XRCC4: variants seen among roughly 807,000 people sequenced by gnomAD.
XRCC4 encodes the protein DNA repair protein XRCC4.
Under a neutral mutation model 39.1 loss-of-function variants are expected in XRCC4, and 28 were observed. The observed-to-expected ratio is 0.72, with a 90% CI of 0.53 to 0.98. The LOEUF (loss-of-function observed/expected upper bound fraction) is 0.98, where lower values mean the gene tolerates loss of function less well. Among genes scored for constraint, XRCC4 ranks in the 50% least tolerant of loss-of-function variants. XRCC4 has a pLI of 0.00. For synonymous variants in XRCC4, 123 were observed against 126.4 expected (o/e 0.97, Z 0.18); for missense variants, 350 against 376.4 (o/e 0.93, Z 0.58).
chr5:83,146,409 C>T (rs974404112), intron 3 of XRCC4, among the ~76,000 whole-genome samples: 2 of 152,156 alleles, frequency 1.3e-5, no homozygotes, highest in African/African-American at 4.8e-5. Flanking sequence ...TCATACTTAC[C>T]TTTCCCAGTG....
At chr5:83,175,562 TTGGGAGGCCAAGG>T (rs1749914470) in intron 3 of XRCC4, among the ~76,000 whole-genome samples, 1 of 151,396 alleles carries the variant, frequency 6.6e-6, no homozygotes, top group Admixed American at 6.6e-5. Flanking sequence ...TCCCAGCACT[TTGGGAGGCCAAGG>T]TGGGAGGATT....
chr5:83,131,278 T>G (rs1747565868), intron 3 of XRCC4, among the ~76,000 whole-genome samples: 2 of 152,196 alleles, frequency 1.3e-5, no homozygotes, highest in African/African-American at 4.8e-5. Flanking sequence ...GTTGGCAGTT[T>G]TGAGTGAGTT....
At chr5:83,106,272 G>A (rs1158756996) in intron 2 of XRCC4, among the ~76,000 whole-genome samples, 1 of 152,042 alleles carries the variant, frequency 6.6e-6, no homozygotes, top group Non-Finnish European at 1.5e-5. Context: ...AAAGACAAGG[G>A]CAATAGATTA....
intron 7 of XRCC4, among the ~76,000 whole-genome samples, chr5:83,302,082 T>C (rs745567605): frequency 1.3e-5 from 2 of 152,146 alleles, no homozygotes; most frequent in Non-Finnish European, 2.9e-5. Context: ...GCGTCCCAGA[T>C]GGACTTCAGA....
At chr5:83,261,206 T>TA (rs1369754125) in intron 7 of XRCC4, among the ~76,000 whole-genome samples, 1 of 151,952 alleles carries the variant, frequency 6.6e-6, no homozygotes, top group East Asian at 1.9e-4. Flanking sequence ...CCTTAGCTCT[T>TA]AAAAAACCTC....
chr5:83,126,976 C>G (rs186329890), intron 3 of XRCC4, among the ~76,000 whole-genome samples: 3 of 152,252 alleles, frequency 2.0e-5, no homozygotes, highest in African/African-American at 7.2e-5. Flanking sequence ...ACCTGTCTTA[C>G]GCCTGCATTG....
At chr5:83,078,561 A>G (rs1293401625) in intron 1 of XRCC4, among the ~76,000 whole-genome samples, 1 of 152,226 alleles carries the variant, frequency 6.6e-6, no homozygotes, top group South Asian at 2.1e-4. Flanking sequence ...AGGGCAACAC[A>G]ATGATTAGAA....
chr5:83,246,123 C>G (rs1301879261), intron 6 of XRCC4, among the ~76,000 whole-genome samples: 1 of 151,892 alleles, frequency 6.6e-6, no homozygotes, highest in Admixed American at 6.6e-5. Context: ...AACTGATATA[C>G]CAGTATGGAT....
At chr5:83,126,552 G>A (rs1449906434) in intron 3 of XRCC4, among the ~76,000 whole-genome samples, 2 of 152,140 alleles carry the variant, frequency 1.3e-5, no homozygotes, top group East Asian at 3.9e-4. Flanking sequence ...TGGGGATGGG[G>A]CTGCCACAGA....
At chr5:83,179,460 A>G (rs2112646024) in intron 3 of XRCC4, among the ~76,000 whole-genome samples, 1 of 152,294 alleles carries the variant, frequency 6.6e-6, no homozygotes, top group Non-Finnish European at 1.5e-5. Context: ...AGGGTTTCAC[A>G]GAATCCAGTG....
At chr5:83,163,700 C>T in intron 3 of XRCC4, among the ~76,000 whole-genome samples, 1 of 152,130 alleles carries the variant, frequency 6.6e-6, no homozygotes, top group East Asian at 1.9e-4. Flanking sequence ...ACCACTGATT[C>T]TTAAGTGGGC....
chr5:83,340,173 C>G, intron 7 of XRCC4, among the ~76,000 whole-genome samples: 1 of 152,192 alleles, frequency 6.6e-6, no homozygotes, highest in East Asian at 1.9e-4. Context: ...ATGTCTTGCT[C>G]TTGCTCAACT....
intron 7 of XRCC4, among the ~76,000 whole-genome samples, chr5:83,286,371 A>G (rs1028715635): frequency 6.6e-6 from 1 of 152,124 alleles, no homozygotes; most frequent in Non-Finnish European, 1.5e-5. Context: ...TGTACACTTT[A>G]TAATCCAGGA....
At chr5:83,181,051 TTC>T (rs1363222749) in intron 3 of XRCC4, among the ~76,000 whole-genome samples, 54 of 120,700 alleles carry the variant, frequency 4.5e-4, no homozygotes, top group African/African-American at 1.7e-3. Flanking sequence ...ACTTTAAACT[TTC>T]TTTTTTTTTT....
At chr5:83,129,057 G>A (rs1747420338) in intron 3 of XRCC4, among the ~76,000 whole-genome samples, 2 of 152,162 alleles carry the variant, frequency 1.3e-5, no homozygotes, top group South Asian at 2.1e-4. Flanking sequence ...GCCCATGCCT[G>A]TGTCCTGAAT....
chr5:83,256,583 C>T (rs1753548096), intron 6 of XRCC4, among the ~76,000 whole-genome samples: 1 of 151,290 alleles, frequency 6.6e-6, no homozygotes, highest in African/African-American at 2.4e-5. Flanking sequence ...CTTGTACTTT[C>T]ATTAGTCATC....
At chr5:83,173,593 A>C (rs1749825330) in intron 3 of XRCC4, among the ~76,000 whole-genome samples, 1 of 152,214 alleles carries the variant, frequency 6.6e-6, no homozygotes, top group Non-Finnish European at 1.5e-5. Context: ...GAAGATGGAA[A>C]TGTATTAGAA....
At chr5:83,361,204 G>A in the XRCC4 span, among the ~76,000 whole-genome samples, 1 of 152,184 alleles carries the variant, frequency 6.6e-6, no homozygotes, top group Non-Finnish European at 1.5e-5. Context: ...AAGCTCTTTT[G>A]TTACTATCAT....
In XRCC4 at chr5:83,203,418, C is replaced by T. The variant is rs28360148; in HGVS notation, c.483-134C>T. 1.5e-3 allele frequency: 1,053 copies of T among 684,276 alleles called. 11 individuals are homozygous for T. The African/African-American group carries it at 0.019, about 12-fold the overall frequency. The allele number at this position is 684,276 out of a possible 1,614,324, so 42.4% of individuals were successfully genotyped here. A position where few individuals can be genotyped will look rare whatever the true frequency, so the allele number is the denominator to read the frequency against. Reference sequence around the variant, plus strand: ...GTATTTAACCATCTTTATAAAACTTCCAAGTCAGTGAAAGCATATGTGAAA... The same window carrying T: ...GTATTTAACCATCTTTATAAAACTTTCAAGTCAGTGAAAGCATATGTGAAA... On this transcript the variant is annotated intron_variant, in intron 4 of 7. Transcript: ENST00000396027.
Sources: allele counts gnomAD v4.1 joint callset (sites outside exome capture counted in the v4.1 genomes callset), GRCh38; gene constraint gnomAD v4.1.1; transcripts MANE v1.5; gene names NCBI Gene and HGNC (gene_info 2026-07-23, HGNC 2026-07-21).